Variants in ABTB3 observed in about 807,000 individuals in gnomAD.
ABTB3 encodes ankyrin repeat- and BTB/POZ domain-containing protein 3.
the ABTB3 span, among the ~76,000 whole-genome samples, chr12:107,499,362 C>CTGTGTGTGTGTGTGTG: frequency 2.2e-4 from 33 of 149,682 alleles, no homozygotes; most frequent in African/African-American, 6.9e-4. Context: ...AAGAGGGAAG[C>CTGTGTGTGTGTGTGTG]TGTGTGTGTG....
chr12:107,635,370 G>A, the ABTB3 span: 7 of 1,613,690 alleles, frequency 4.3e-6, no homozygotes, highest in Admixed American at 1.7e-5. Flanking sequence ...GAAATCAAAC[G>A]GAAACAGACC....
the ABTB3 span, among the ~76,000 whole-genome samples, chr12:107,343,163 C>T: frequency 6.6e-6 from 1 of 152,110 alleles, no homozygotes; most frequent in African/African-American, 2.4e-5. Flanking sequence ...CACAAGTGCA[C>T]ACCACCACAC....
the ABTB3 span, among the ~76,000 whole-genome samples, chr12:107,465,648 G>T: frequency 6.6e-6 from 1 of 152,252 alleles, no homozygotes; most frequent in East Asian, 1.9e-4. Flanking sequence ...TACCAGGAAG[G>T]TCAAGTTCAC....
chr12:107,347,039 A>G, the ABTB3 span, among the ~76,000 whole-genome samples: 2 of 152,216 alleles, frequency 1.3e-5, no homozygotes, highest in Non-Finnish European at 2.9e-5. Context: ...TCATCCCTGT[A>G]AAAGTCTTCC....
chr12:107,616,996 G>A, the ABTB3 span: 1 of 1,273,546 alleles, frequency 7.9e-7, no homozygotes, highest in Non-Finnish European at 1.1e-6. Context: ...GAGGGAAGGA[G>A]TGCTGGCATC....
the ABTB3 span, among the ~76,000 whole-genome samples, chr12:107,656,161 C>T: frequency 6.6e-6 from 1 of 150,494 alleles, no homozygotes; most frequent in South Asian, 2.1e-4. Context: ...AATAGCCGGA[C>T]ATGGTGGCGC....
chr12:107,518,836 CTTAATA>C, the ABTB3 span, among the ~76,000 whole-genome samples: 1 of 80,420 alleles, frequency 1.2e-5, no homozygotes, highest in African/African-American at 6.4e-5. Context: ...TTGACAAATA[CTTAATA>C]CTTGTTCTTT....
the ABTB3 span, among the ~76,000 whole-genome samples, chr12:107,506,080 T>C: frequency 6.6e-6 from 1 of 152,216 alleles, no homozygotes; most frequent in Non-Finnish European, 1.5e-5. Flanking sequence ...ATGGTATTTC[T>C]GTTTTTAGGT....
At chr12:107,643,003 G>A in the ABTB3 span, among the ~76,000 whole-genome samples, 3 of 152,160 alleles carry the variant, frequency 2.0e-5, no homozygotes, top group Non-Finnish European at 4.4e-5. Context: ...CTTTGCACCT[G>A]TATTTCTACA....
the ABTB3 span, among the ~76,000 whole-genome samples, chr12:107,446,660 C>T: frequency 6.6e-6 from 1 of 152,290 alleles, no homozygotes; most frequent in Non-Finnish European, 1.5e-5. Context: ...CATCTGCATC[C>T]ATCCCCAGAG....
chr12:107,602,082 TG>T, the ABTB3 span, among the ~76,000 whole-genome samples: 1 of 152,138 alleles, frequency 6.6e-6, no homozygotes, highest in Non-Finnish European at 1.5e-5. Context: ...AGGTCAGGAT[TG>T]GTCCTTGGAA....
chr12:107,555,848 A>ATCCCCCTTT, the ABTB3 span, among the ~76,000 whole-genome samples: 14 of 152,274 alleles, frequency 9.2e-5, no homozygotes, highest in African/African-American at 3.4e-4. Flanking sequence ...CCTTCCAGAA[A>ATCCCCCTTT]AACAGACTGA....
At chr12:107,525,204 G>A in the ABTB3 span, among the ~76,000 whole-genome samples, 125 of 151,718 alleles carry the variant, frequency 8.2e-4, 1 homozygote, top group Non-Finnish European at 1.5e-4. Flanking sequence ...GCATGCGCCT[G>A]TAGTCCCAGC....
the ABTB3 span, among the ~76,000 whole-genome samples, chr12:107,414,991 G>A: frequency 6.6e-6 from 1 of 152,084 alleles, no homozygotes; most frequent in African/African-American, 2.4e-5. Context: ...TAGGATTATA[G>A]GCATGAAGCC....
At chr12:107,515,196 C>T in the ABTB3 span, among the ~76,000 whole-genome samples, 1 of 152,168 alleles carries the variant, frequency 6.6e-6, no homozygotes, top group South Asian at 2.1e-4. Context: ...CTCCAAGTCC[C>T]ATTTGCTCAG....
the ABTB3 span, among the ~76,000 whole-genome samples, chr12:107,335,535 C>T: frequency 6.6e-6 from 1 of 152,066 alleles, no homozygotes; most frequent in African/African-American, 2.4e-5. Flanking sequence ...CCTGTACACA[C>T]ACATCAGCAG....
the ABTB3 span, among the ~76,000 whole-genome samples, chr12:107,420,552 C>G: frequency 6.6e-6 from 1 of 152,178 alleles, no homozygotes; most frequent in African/African-American, 2.4e-5. Flanking sequence ...TACCTCCCAT[C>G]AGGTCCCTCC....
At chr12:107,657,235 C>T in the ABTB3 span, among the ~76,000 whole-genome samples, 1 of 152,164 alleles carries the variant, frequency 6.6e-6, no homozygotes, top group African/African-American at 2.4e-5. Flanking sequence ...GCACGATACC[C>T]CTGTAGTCCA....
chr12:107,601,714 T>C, the ABTB3 span, among the ~76,000 whole-genome samples: 1 of 152,200 alleles, frequency 6.6e-6, no homozygotes, highest in Non-Finnish European at 1.5e-5. Context: ...CTGTGCCCCA[T>C]TTTCCTTATC....
Sources: allele counts gnomAD v4.1 joint callset (sites outside exome capture counted in the v4.1 genomes callset), GRCh38; gene constraint gnomAD v4.1.1; transcripts MANE v1.5; gene names NCBI Gene and HGNC (gene_info 2026-07-23, HGNC 2026-07-21).